DYNC2H1: variants seen among roughly 807,000 people sequenced by gnomAD.
DYNC2H1 encodes dynein cytoplasmic 2 heavy chain 1, also known as cytoplasmic dynein 2 heavy chain 1.
Under a neutral mutation model 570.0 loss-of-function variants are expected in DYNC2H1, and 410 were observed. The observed-to-expected ratio is 0.72, with a 90% CI of 0.66 to 0.78. DYNC2H1 has a LOEUF of 0.78. DYNC2H1 is among the 30% of genes least tolerant of loss of function. The pLI, the probability that DYNC2H1 is intolerant of heterozygous loss-of-function variation, is 0.00. For synonymous variants in DYNC2H1, 1,688 were observed against 1,677.6 expected (o/e 1.01, Z -0.15); for missense variants, 4,865 against 5,046.4 (o/e 0.96, Z 1.09).
chr11:103,447,854 T>A (rs1944478469), intron 85 of DYNC2H1, among the ~76,000 whole-genome samples: 1 of 152,174 alleles, frequency 6.6e-6, no homozygotes, highest in South Asian at 2.1e-4. Context: ...TGGGGTTTTT[T>A]AATGTTTTGT....
In DYNC2H1 at chr11:103,171,061, G is replaced by T. The variant is rs747022903; in HGVS notation, c.5327G>T (p.Gly1776Val). 1 of 1,589,316 alleles carries T rather than the reference G, an allele frequency of 6.3e-7. No individual in the cohort carries two copies. Among genetic ancestry groups the T allele is most frequent in the Admixed American group, 1.7e-5 (1 of 59,094 alleles). ...KNHRTVCELL[G>V]KEVEVNSNSG... Reference sequence around the variant, plus strand: ...CATAGAACTGTATGTGAACTGCTTGGCAAGGAGGTATAGAATATGTTGGGA... The same window carrying T: ...CATAGAACTGTATGTGAACTGCTTGTCAAGGAGGTATAGAATATGTTGGGA... The change falls in exon 34 of 89, where the codon GGC (glycine) becomes GTC (valine). Residue 1776 changes from glycine (G) to valine (V), a missense_variant. Transcript: ENST00000375735.
chr11:103,255,667 T>A (rs1280113809), intron 67 of DYNC2H1, 133 bp downstream of exon 67: 1 of 896,266 alleles, frequency 1.1e-6, no homozygotes, highest in Non-Finnish European at 1.6e-6. Flanking sequence ...TATCTTACAG[T>A]CAAAATTCTA....
chr11:103,376,774 G>T (rs1941410198), intron 83 of DYNC2H1, among the ~76,000 whole-genome samples: 1 of 152,266 alleles, frequency 6.6e-6, no homozygotes, highest in South Asian at 2.1e-4. Context: ...ACATCTACTG[G>T]TGGGTTTTAT....
intron 84 of DYNC2H1, among the ~76,000 whole-genome samples, chr11:103,433,278 G>C (rs1262580957): frequency 1.3e-5 from 2 of 151,802 alleles, no homozygotes; most frequent in East Asian, 3.9e-4. Flanking sequence ...TATGTTAATA[G>C]TATCTGCACA....
At chr11:103,271,810 A>G (rs908669022) in intron 70 of DYNC2H1, among the ~76,000 whole-genome samples, 5 of 152,322 alleles carry the variant, frequency 3.3e-5, no homozygotes, top group Non-Finnish European at 7.3e-5. Context: ...CAGCCAACAG[A>G]CACATGAAAA....
At chr11:103,470,857 A>G (rs1055103802) in intron 88 of DYNC2H1, among the ~76,000 whole-genome samples, 4 of 152,196 alleles carry the variant, frequency 2.6e-5, no homozygotes, top group Admixed American at 6.5e-5. Flanking sequence ...GCTATTGTCA[A>G]TAGTGCCGCT....
intron 83 of DYNC2H1, among the ~76,000 whole-genome samples, chr11:103,370,163 A>G (rs61896830): frequency 0.15 from 23,060 of 152,278 alleles, 1,918 homozygotes; most frequent in Admixed American, 0.24. Context: ...TTAAGGGAAT[A>G]TCAGTGGTAG....
At chr11:103,253,176 C>T in intron 65 of DYNC2H1, 109 bp from the exon 66 acceptor site, 1 of 1,168,758 alleles carries the variant, frequency 8.6e-7, no homozygotes, top group Non-Finnish European at 1.2e-6. Flanking sequence ...CCGTCTTAGA[C>T]TCTGTCGAAA....
intron 82 of DYNC2H1, among the ~76,000 whole-genome samples, chr11:103,347,619 A>C (rs1183291382): frequency 6.6e-6 from 1 of 152,158 alleles, no homozygotes; most frequent in East Asian, 1.9e-4. Flanking sequence ...CATAATAAAA[A>C]TCAGTTTTTG....
At chr11:103,456,208 C>A (rs1944781069) in intron 86 of DYNC2H1, 67 bp from the exon 87 acceptor site, 2 of 1,205,070 alleles carry the variant, frequency 1.7e-6, no homozygotes, top group South Asian at 1.6e-5. Flanking sequence ...ACTATATCTT[C>A]AGTTACTCTT....
At chr11:103,345,956 G>A (rs1218931333) in intron 82 of DYNC2H1, among the ~76,000 whole-genome samples, 3 of 152,080 alleles carry the variant, frequency 2.0e-5, no homozygotes, top group Non-Finnish European at 2.9e-5. Flanking sequence ...TAAGAGCTAC[G>A]TATTTCTATG....
chr11:103,302,580 A>G (rs1483964689), intron 75 of DYNC2H1, among the ~76,000 whole-genome samples: 1 of 152,106 alleles, frequency 6.6e-6, no homozygotes, highest in Non-Finnish European at 1.5e-5. Flanking sequence ...ACACATGGGC[A>G]TAAGAAATAA....
chr11:103,281,295 C>A (rs143272121), intron 71 of DYNC2H1, among the ~76,000 whole-genome samples: 132 of 152,078 alleles, frequency 8.7e-4, no homozygotes, highest in Admixed American at 1.9e-3. Flanking sequence ...CTGCTGTTAA[C>A]TTTGATTTCT....
chr11:103,216,424 T>C (rs1178788248), intron 55 of DYNC2H1, among the ~76,000 whole-genome samples: 1 of 152,144 alleles, frequency 6.6e-6, no homozygotes, highest in Non-Finnish European at 1.5e-5. Context: ...TTGCTCTTAC[T>C]ACCAGCTACA....
intron 84 of DYNC2H1, among the ~76,000 whole-genome samples, chr11:103,419,429 A>G: frequency 6.6e-6 from 1 of 152,180 alleles, no homozygotes; most frequent in East Asian, 1.9e-4. Context: ...TTCCAGAGGA[A>G]GGAGCAGGCT....
At chr11:103,171,255 A>G (rs574660527) in intron 34 of DYNC2H1, among the ~76,000 whole-genome samples, 187 bp downstream of exon 34, 1 of 151,352 alleles carries the variant, frequency 6.6e-6, no homozygotes, top group African/African-American at 2.4e-5. Context: ...TCCTACTTTC[A>G]TTATTCTTTT....
intron 85 of DYNC2H1, among the ~76,000 whole-genome samples, chr11:103,442,940 A>C (rs12420262): frequency 2.7e-5 from 4 of 149,136 alleles, no homozygotes; most frequent in Non-Finnish European, 5.9e-5. Context: ...GCAAAATATC[A>C]TTTCAATGCT....
intron 82 of DYNC2H1, among the ~76,000 whole-genome samples, chr11:103,333,345 G>A (rs1938925601): frequency 1.3e-5 from 2 of 152,080 alleles, no homozygotes; most frequent in East Asian, 3.9e-4. Context: ...CTCACTGCAA[G>A]CTCCGCCTCC....
chr11:103,350,899 A>C (rs1467384341), intron 82 of DYNC2H1, among the ~76,000 whole-genome samples: 2 of 152,156 alleles, frequency 1.3e-5, no homozygotes, highest in African/African-American at 4.8e-5. Context: ...AAACACAGCC[A>C]TAATGGGAGT....
Sources: gnomAD v4.1 joint callset for allele counts (sites outside exome capture counted in the v4.1 genomes callset) on GRCh38, gnomAD v4.1.1 for gene constraint, MANE v1.5 for transcripts, NCBI Gene and HGNC (gene_info 2026-07-23, HGNC 2026-07-21) for gene names.